Variants in CCDC50 observed in about 807,000 individuals in gnomAD.
CCDC50 encodes the protein coiled-coil domain containing 50.
A neutral mutation model predicts 70.2 loss-of-function variants in CCDC50; 54 were observed. The ratio of observed to expected loss-of-function variants is 0.77; its 90% CI spans 0.62 to 0.96. The LOEUF is 0.96. CCDC50 is among the 50% of genes least tolerant of loss of function. The pLI is 0.00. For synonymous variants in CCDC50, 216 were observed against 198.8 expected, an observed-to-expected ratio of 1.09 and a Z score of -0.73; for missense variants, 558 against 578.7, an observed-to-expected ratio of 0.96 and a Z score of 0.37.
At chr3:191,339,613 A>T (rs1009006030) in intron 1 of CCDC50, among the ~76,000 whole-genome samples, 3 of 152,200 alleles carry the variant, frequency 2.0e-5, no homozygotes, top group Non-Finnish European at 4.4e-5. Flanking sequence ...AGATGAACAT[A>T]AAAAATTTGG....
chr3:191,367,821 A>T (rs1576964470), intron 4 of CCDC50, among the ~76,000 whole-genome samples: 1 of 152,106 alleles, frequency 6.6e-6, no homozygotes, highest in East Asian at 1.9e-4. Flanking sequence ...CATACAGTTC[A>T]AGGAAATGTT....
chr3:191,360,203 G>A (rs964279582), intron 3 of CCDC50, among the ~76,000 whole-genome samples: 8 of 152,170 alleles, frequency 5.3e-5, no homozygotes, highest in African/African-American at 1.7e-4. Flanking sequence ...TCTCAGTTTC[G>A]CTTTCCCAGG....
In CCDC50 at chr3:191,375,235, A is replaced by G. The variant is rs527802654; in HGVS notation, c.622A>G (p.Ser208Gly). 3 of 1,613,840 alleles carry G rather than the reference A, an allele frequency of 1.9e-6. No homozygotes were observed. Among genetic ancestry groups the G allele is most frequent in the African/African-American group, 2.7e-5 (2 of 75,008 alleles). Residue 208 changes from serine to glycine, a missense_variant, in exon 6 of 12, where the codon AGC becomes GGC. By Grantham distance (56) the Ser-to-Gly change is moderately conservative. Transcript: ENST00000392455. Reference protein sequence around the residue: ...CSSKRSLSSSSSGKGRDNPHI... With the variant: ...CSSKRSLSSSGSGKGRDNPHI... ...ATCGAAGAGATCCCTGTCATCCTCT[A>G]GCTCGGGCAAAGGGAGGGACAATCC...
At chr3:191,364,471 C>T (rs1712610484) in intron 4 of CCDC50, among the ~76,000 whole-genome samples, 2 of 151,718 alleles carry the variant, frequency 1.3e-5, no homozygotes, top group South Asian at 4.2e-4. Flanking sequence ...GAAAATCTCT[C>T]TCTGGGTTTC....
chr3:191,355,813 A>G (rs2108647158), intron 1 of CCDC50, among the ~76,000 whole-genome samples: 1 of 152,290 alleles, frequency 6.6e-6, no homozygotes, highest in South Asian at 2.1e-4. Flanking sequence ...TATCCAGTTG[A>G]ATATAGTTCT....
At chr3:191,386,037 G>A (rs923212939) in intron 10 of CCDC50, among the ~76,000 whole-genome samples, 14 of 152,064 alleles carry the variant, frequency 9.2e-5, no homozygotes. Context: ...GCCTTGTATA[G>A]TTTGAAGTCT....
At chr3:191,349,388 G>A (rs1712031030) in intron 1 of CCDC50, among the ~76,000 whole-genome samples, 1 of 142,018 alleles carries the variant, frequency 7.0e-6, no homozygotes, top group African/African-American at 2.5e-5. Context: ...AGACACATGA[G>A]TCTAAAATTG....
At chr3:191,377,098 T>C (rs1713143237) in intron 6 of CCDC50, among the ~76,000 whole-genome samples, 2 of 152,318 alleles carry the variant, frequency 1.3e-5, no homozygotes, top group East Asian at 1.9e-4. Flanking sequence ...TGAAAAACAA[T>C]GTTACCAGGC....
chr3:191,366,193 G>T (rs1712683082), intron 4 of CCDC50, among the ~76,000 whole-genome samples: 1 of 152,112 alleles, frequency 6.6e-6, no homozygotes, highest in Non-Finnish European at 1.5e-5. Flanking sequence ...GAACGTTAAT[G>T]ATATTTATCA....
rs1357599473 is a variant in CCDC50 at position 191,357,884 on chromosome 3, A to G, written c.113-114A>G. 9 of 1,296,260 alleles carry G rather than the reference A, an allele frequency of 6.9e-6. No homozygotes were observed. The African/African-American group carries it at 1.2e-4, about 17-fold the overall frequency. 80.3% of individuals were successfully genotyped at this position (1,296,260 alleles called of 1,614,324 possible). Reference sequence around the variant, plus strand: ...TATATATTGTTGTTGAGACAATAAAATGAAGTGATGGATGCAAAGCTGTTG... The same window carrying G: ...TATATATTGTTGTTGAGACAATAAAGTGAAGTGATGGATGCAAAGCTGTTG... On this transcript the variant is annotated intron_variant, in intron 2 of 11. Transcript: ENST00000392455.
intron 11 of CCDC50, 52 bp downstream of exon 11, chr3:191,389,654 C>A: frequency 7.3e-7 from 1 of 1,361,516 alleles, no homozygotes; most frequent in Non-Finnish European, 1.1e-6. Flanking sequence ...TTATATAAGC[C>A]TCGTGTTGTA....
chr3:191,380,926 G>C lies in CCDC50; in HGVS notation c.1236G>C (p.Glu412Asp). 2 of 1,611,350 alleles carry C rather than the reference G, an allele frequency of 1.2e-6. No individual in the cohort carries two copies. Among genetic ancestry groups the C allele is most frequent in the East Asian group, 2.2e-5 (1 of 44,756 alleles). The change falls in exon 9 of 12, where the codon GAG (glutamate) becomes GAC (aspartate). Residue 412 changes from glutamate to aspartate, a missense_variant. By Grantham distance (45) the Glu-to-Asp change is conservative (BLOSUM62 2). Coordinates refer to ENST00000392455, the MANE Select transcript of CCDC50 (RefSeq NM_178335.3). The part of the protein sequence containing the change: ...SSLDKRKQDP[E>D]WKPKTAKAAN... ...TGGACAAAAGAAAGCAAGACCCCGA[G>C]TGGAAGGTAGAGTGTGTTTTGTTTG...
rs1379346298 is a variant in CCDC50 at position 191,396,481 on chromosome 3, C to T, written c.*4721C>T. 6.6e-6 allele frequency: 1 copy of T among 152,152 alleles called. No homozygotes were observed. Among genetic ancestry groups the T allele is most frequent in the Non-Finnish European group, 1.5e-5 (1 of 68,008 alleles). The allele number at this position is 152,152 out of a possible 1,614,324, so 9.4% of individuals were successfully genotyped here. Reference sequence around the variant, plus strand: ...CTGGTAGAAGGAGAGAATTTCTTGGCCAAATCCTTCATACCAGGTACCACT... The same window carrying T: ...CTGGTAGAAGGAGAGAATTTCTTGGTCAAATCCTTCATACCAGGTACCACT... On this transcript the variant is annotated 3_prime_UTR_variant, in exon 12 of 12. Coordinates refer to ENST00000392455, the MANE Select transcript of CCDC50 (RefSeq NM_178335.3).
At chr3:191,345,891 A>T (rs6777160) in intron 1 of CCDC50, among the ~76,000 whole-genome samples, 2,208 of 152,172 alleles carry the variant, frequency 0.015, 50 homozygotes, top group African/African-American at 0.05. Context: ...TATGCTTATT[A>T]CCCTTGTAAA....
chr3:191,379,886 A>G (rs1270488806), intron 6 of CCDC50, among the ~76,000 whole-genome samples: 1 of 152,078 alleles, frequency 6.6e-6, no homozygotes, highest in Admixed American at 6.6e-5. Flanking sequence ...CTTCTTACAT[A>G]AATTTCTGCT....
intron 2 of CCDC50, 67 bp from the exon 3 acceptor site, chr3:191,357,931 T>G: frequency 6.3e-7 from 1 of 1,598,818 alleles, no homozygotes; most frequent in East Asian, 2.2e-5. Flanking sequence ...CTCTTAAGAT[T>G]ATTATGGCAT....
At chr3:191,381,164 A>G (rs1713305156) in intron 9 of CCDC50, among the ~76,000 whole-genome samples, 1 of 151,034 alleles carries the variant, frequency 6.6e-6, no homozygotes. Context: ...TGTTCCCTTT[A>G]AGACGGAGTG....
chr3:191,338,237 A>G (rs1183442169), intron 1 of CCDC50, among the ~76,000 whole-genome samples: 1 of 152,210 alleles, frequency 6.6e-6, no homozygotes, highest in East Asian at 1.9e-4. Context: ...TATATTCACT[A>G]ATTTTTGAGT....
At chr3:191,389,465 A>G (rs759312493) in intron 10 of CCDC50, 31 bp from the exon 11 acceptor site, 5 of 1,551,754 alleles carry the variant, frequency 3.2e-6, no homozygotes, top group Non-Finnish European at 4.5e-6. Flanking sequence ...CGTTACTTAG[A>G]ATGCCCCTTT....
Sources: gnomAD v4.1 joint callset for allele counts (sites outside exome capture counted in the v4.1 genomes callset) on GRCh38, gnomAD v4.1.1 for gene constraint, MANE v1.5 for transcripts, NCBI Gene and HGNC (gene_info 2026-07-23, HGNC 2026-07-21) for gene names.